ZDHHC17: variants seen among roughly 807,000 people sequenced by gnomAD.
The protein encoded by ZDHHC17 is palmitoyltransferase ZDHHC17.
Under a neutral mutation model 90.3 loss-of-function variants are expected in ZDHHC17, and 40 were observed. The observed-to-expected ratio is 0.44, with a 90% CI of 0.34 to 0.58. ZDHHC17 has a LOEUF of 0.58. ZDHHC17 is among the 20% of genes least tolerant of loss of function. ZDHHC17 has a pLI of 0.01. For synonymous variants in ZDHHC17, 235 were observed against 252.4 expected, an observed-to-expected ratio of 0.93 and a Z score of 0.65; for missense variants, 614 against 780.8, an observed-to-expected ratio of 0.79 and a Z score of 2.55.
At chr12:76,806,209 C>T (rs965673733) in intron 3 of ZDHHC17, among the ~76,000 whole-genome samples, 5 of 152,040 alleles carry the variant, frequency 3.3e-5, no homozygotes, top group Admixed American at 3.3e-4. Flanking sequence ...ATCCTCCCAC[C>T]TCATACTCCC....
At chr12:76,786,185 C>T (rs139206702) in intron 1 of ZDHHC17, among the ~76,000 whole-genome samples, 1,665 of 151,390 alleles carry the variant, frequency 0.011, 10 homozygotes, top group Non-Finnish European at 0.017. Context: ...GGTGTGATCA[C>T]AGTTTACTGT....
chr12:76,766,470 GTTAA>G (rs1952432904), intron 1 of ZDHHC17, among the ~76,000 whole-genome samples: 1 of 152,164 alleles, frequency 6.6e-6, no homozygotes, highest in South Asian at 2.1e-4. Flanking sequence ...AAAAATAATA[GTTAA>G]TAAGCTATAG....
intron 10 of ZDHHC17, among the ~76,000 whole-genome samples, chr12:76,833,870 G>T (rs989400144): frequency 3.9e-5 from 6 of 152,060 alleles, no homozygotes; most frequent in Admixed American, 3.9e-4. Context: ...TAAGACCAAA[G>T]ATTTATTTAC....
chr12:76,807,978 T>C (rs776864869), intron 3 of ZDHHC17, among the ~76,000 whole-genome samples: 9 of 152,242 alleles, frequency 5.9e-5, no homozygotes, highest in Non-Finnish European at 1.0e-4. Flanking sequence ...ATTAATAGTT[T>C]AATATTCTGG....
chr12:76,811,978 C>T (rs75909615), intron 5 of ZDHHC17, among the ~76,000 whole-genome samples: 2,521 of 152,164 alleles, frequency 0.017, 84 homozygotes, highest in African/African-American at 0.057. Flanking sequence ...ATAAAATTGC[C>T]TTCAGGCTGT....
rs765498070 is a variant in ZDHHC17 at position 76,794,205 on chromosome 12, GT to G, written c.94-3226del. ...CGGCCAAATTACAGGATTTTAAAGA[GT>G]TTAATGAACTAAATATTTGTATGTT... On this transcript the variant is annotated intron_variant, in intron 1 of 16. Transcript: ENST00000426126. 1.4e-4 allele frequency among the ~76,000 whole-genome samples: 22 copies of G among 151,926 alleles called. 1 individual carries two copies. The East Asian group carries it at 2.7e-3, about 19-fold the overall frequency.
chr12:76,849,341 A>AAAAAAAAAAAC (rs1491286435), intron 15 of ZDHHC17, 35 bp from the exon 16 acceptor site: 1 of 1,118,786 alleles, frequency 8.9e-7, no homozygotes, highest in Non-Finnish European at 1.3e-6. Context: ...AAAAAAAAAA[A>AAAAAAAAAAAC]CAAGAATAAT....
intron 10 of ZDHHC17, 98 bp downstream of exon 10, chr12:76,828,588 T>A: frequency 1.0e-6 from 1 of 968,868 alleles, no homozygotes; most frequent in Non-Finnish European, 1.5e-6. Flanking sequence ...TACTCATTCA[T>A]AATACATTAA....
chr12:76,782,104 A>G (rs548867630), intron 1 of ZDHHC17, among the ~76,000 whole-genome samples: 20 of 152,350 alleles, frequency 1.3e-4, no homozygotes, highest in African/African-American at 4.3e-4. Context: ...ACAAGATAAA[A>G]AAAGAATTTA....
At chr12:76,788,010 A>T (rs1023785050) in intron 1 of ZDHHC17, among the ~76,000 whole-genome samples, 1 of 152,168 alleles carries the variant, frequency 6.6e-6, no homozygotes, top group Non-Finnish European at 1.5e-5. Context: ...CAGGAGTTCC[A>T]GGCTGTAGTG....
chr12:76,847,948 A>G (rs974263138), intron 14 of ZDHHC17, among the ~76,000 whole-genome samples: 2 of 152,210 alleles, frequency 1.3e-5, no homozygotes, highest in Non-Finnish European at 2.9e-5. Context: ...TGTGTAAAGA[A>G]AATGTTTTTC....
At chr12:76,815,338 T>C (rs1953073064) in intron 6 of ZDHHC17, 128 bp downstream of exon 6, 1 of 466,286 alleles carries the variant, frequency 2.1e-6, no homozygotes, top group East Asian at 3.5e-5. Context: ...CTATAGTATA[T>C]ATAAATTACC....
chr12:76,814,380 TATA>T (rs1348283756), intron 5 of ZDHHC17, among the ~76,000 whole-genome samples: 1 of 151,910 alleles, frequency 6.6e-6, no homozygotes, highest in Non-Finnish European at 1.5e-5. Context: ...TATGCATATT[TATA>T]ATAATACATA....
intron 12 of ZDHHC17, chr12:76,844,709 A>T (rs1953473480): frequency 6.6e-6 from 1 of 152,176 alleles, no homozygotes; most frequent in African/African-American, 2.4e-5. Context: ...ATTTTGGTAG[A>T]TGTAAGAACT....
intron 1 of ZDHHC17, among the ~76,000 whole-genome samples, chr12:76,771,852 G>C (rs765457427): frequency 2.0e-5 from 3 of 152,132 alleles, no homozygotes; most frequent in Non-Finnish European, 4.4e-5. Flanking sequence ...GGGCAAAAAG[G>C]GGAATTTACT....
intron 1 of ZDHHC17, among the ~76,000 whole-genome samples, chr12:76,793,787 GACAC>G (rs1375788052): frequency 6.6e-6 from 1 of 152,166 alleles, no homozygotes; most frequent in East Asian, 1.9e-4. Context: ...AAGTTACAAT[GACAC>G]ACATACATAT....
At chr12:76,781,757 A>C in intron 1 of ZDHHC17, 3 of 446,196 alleles carry the variant, frequency 6.7e-6, no homozygotes, top group South Asian at 4.8e-5. Flanking sequence ...AAATGGACTA[A>C]GACAGTAGGA....
intron 1 of ZDHHC17, among the ~76,000 whole-genome samples, chr12:76,781,027 G>C (rs1027714912): frequency 3.3e-5 from 5 of 151,746 alleles, no homozygotes; most frequent in African/African-American, 1.2e-4. Context: ...CCAGCTACTC[G>C]GGAGGCTGAG....
chr12:76,812,273 A>T (rs141153469), intron 5 of ZDHHC17, among the ~76,000 whole-genome samples: 64 of 151,974 alleles, frequency 4.2e-4, no homozygotes, highest in African/African-American at 1.5e-3. Flanking sequence ...TTTGAGCTCC[A>T]CTTCTGCCAT....
Sources: gnomAD v4.1 joint callset for allele counts (sites outside exome capture counted in the v4.1 genomes callset) on GRCh38, gnomAD v4.1.1 for gene constraint, MANE v1.5 for transcripts, NCBI Gene and HGNC (gene_info 2026-07-23, HGNC 2026-07-21) for gene names.